Variants in ERG observed in about 807,000 individuals in gnomAD.
ERG encodes the protein ETS transcription factor ERG.
Under a neutral mutation model 55.3 loss-of-function variants are expected in ERG, and 9 were observed. That is an observed-to-expected ratio of 0.16 (90% CI 0.10 to 0.28). The LOEUF (loss-of-function observed/expected upper bound fraction) is 0.28, where lower values mean the gene tolerates loss of function less well. ERG is among the 10% of genes least tolerant of loss of function. The pLI is 1.00. For missense variants in ERG, 434 were observed against 631.6 expected (o/e 0.69, Z 3.35); for synonymous variants, 223 against 237.3 (o/e 0.94, Z 0.55).
intron 1 of ERG, among the ~76,000 whole-genome samples, chr21:38,648,816 T>G (rs148398666): frequency 6.6e-6 from 1 of 152,228 alleles, no homozygotes; most frequent in Non-Finnish European, 1.5e-5. Flanking sequence ...CCTGATTTCA[T>G]TGGACTCGCT....
At chr21:38,573,567 A>G (rs2059975062) in intron 2 of ERG, among the ~76,000 whole-genome samples, 1 of 152,226 alleles carries the variant, frequency 6.6e-6, no homozygotes, top group East Asian at 1.9e-4. Context: ...GTGCACATCC[A>G]GGCATAGTAC....
At chr21:38,626,555 A>C (rs1200153588) in intron 1 of ERG, among the ~76,000 whole-genome samples, 3 of 152,152 alleles carry the variant, frequency 2.0e-5, no homozygotes, top group Non-Finnish European at 2.9e-5. Flanking sequence ...GTGACCTTTT[A>C]AGGTCAGTTT....
At chr21:38,433,749 C>T (rs1005738825) in intron 2 of ERG, among the ~76,000 whole-genome samples, 3 of 152,126 alleles carry the variant, frequency 2.0e-5, no homozygotes, top group Non-Finnish European at 2.9e-5. Flanking sequence ...TCTGATTCAC[C>T]CTCACTTCAG....
chr21:38,571,354 A>T lies in ERG; in HGVS notation c.-41+4308T>A, dbSNP rs182925375. 4.2e-3 allele frequency among the ~76,000 whole-genome samples: 642 copies of T among 152,082 alleles called. 3 individuals carry two copies. Among genetic ancestry groups the T allele is most frequent in the Non-Finnish European group, 5.3e-3 (362 of 68,002 alleles). On this transcript the variant is annotated intron_variant, in intron 2 of 8. Transcript: ENST00000398897. ...AGTGAGACCTTGTCTCTACAAAAAA[A>T]ATAAAAATTAGCTGGGTGTAGCGGT...
rs143843173 is a variant in ERG at position 38,646,898 on chromosome 21, C to T, written c.-150+14760G>A. Among the ~76,000 whole-genome samples the T allele has an allele frequency of 2.6e-3, 396 of 152,284 alleles. 1 individual carries two copies. Among genetic ancestry groups the T allele is most frequent in the Non-Finnish European group, 4.3e-3 (292 of 68,018 alleles). On this transcript the variant is annotated intron_variant, in intron 1 of 10. Coordinates refer to the ERG transcript ENST00000398910. ...TCCCGCCACATGACCTGCACTGTTA[C>T]ATCCAAAGCGTGCAGGGAAAAGGCT...
chr21:38,516,765 G>C lies in ERG; in HGVS notation c.-41+58897C>G, dbSNP rs193204875. On this transcript the variant is annotated intron_variant, in intron 2 of 8. Coordinates refer to the ERG transcript ENST00000398897. ...AGAGCATGATACTAGTATAAAAACA[G>C]ACGCATAGACCAATGGAACAGAATT... Among the ~76,000 whole-genome samples the C allele has an allele frequency of 7.9e-5, 12 of 152,084 alleles. No individual in the cohort carries two copies. In the East Asian group the frequency reaches 2.1e-3, roughly 27 times the overall value.
intron 1 of ERG, chr21:38,451,326 C>T: frequency 2.4e-6 from 1 of 423,166 alleles, no homozygotes; most frequent in Non-Finnish European, 4.7e-6. Context: ...TACAGTTAAT[C>T]ATTTCTTTTG....
chr21:38,382,147 C>A lies in ERG; in HGVS notation c.*1256G>T. 9.5e-7 allele frequency: 1 copy of A among 1,053,614 alleles called. No homozygotes were observed. Among genetic ancestry groups the A allele is most frequent in the East Asian group, 5.4e-5 (1 of 18,588 alleles). The allele number at this position is 1,053,614 out of a possible 1,614,324, so 65.3% of individuals were successfully genotyped here. Reference sequence around the variant, plus strand: ...GTTAAAATTCAAGGCCACATTATATCGATTGTCTCTTTTGTCGTGTGTCTT... The same window carrying A: ...GTTAAAATTCAAGGCCACATTATATAGATTGTCTCTTTTGTCGTGTGTCTT... On this transcript the variant is annotated 3_prime_UTR_variant, in exon 10 of 10. Transcript: ENST00000288319.
intron 9 of ERG, among the ~76,000 whole-genome samples, chr21:38,389,452 C>T (rs1448014224): frequency 2.6e-5 from 4 of 151,934 alleles, no homozygotes; most frequent in Admixed American, 6.6e-5. Context: ...TTTCAGCTTC[C>T]GTCATTTTCT....
intron 6 of ERG, among the ~76,000 whole-genome samples, chr21:38,394,013 G>C (rs1483103085): frequency 6.6e-6 from 1 of 152,072 alleles, no homozygotes; most frequent in African/African-American, 2.4e-5. Flanking sequence ...AAGTCTCTGG[G>C]AACACTCTGC....
At chr21:38,516,502 A>G (rs540991804) in intron 2 of ERG, among the ~76,000 whole-genome samples, 8 of 152,216 alleles carry the variant, frequency 5.3e-5, no homozygotes, top group Admixed American at 5.2e-4. Context: ...ATGGTCATGG[A>G]TCAGAAGAAC....
intron 1 of ERG, among the ~76,000 whole-genome samples, chr21:38,619,979 C>T (rs984295667): frequency 6.6e-6 from 1 of 152,206 alleles, no homozygotes; most frequent in Non-Finnish European, 1.5e-5. Flanking sequence ...ATTATTCAGA[C>T]TCGAAATGCT....
At chr21:38,444,484 T>G (rs1423414895) in intron 2 of ERG, among the ~76,000 whole-genome samples, 2 of 152,214 alleles carry the variant, frequency 1.3e-5, no homozygotes, top group Non-Finnish European at 2.9e-5. Context: ...TTCGAAGAAA[T>G]AATCTGTTCT....
chr21:38,500,420 T>G (rs1207686757), upstream of ERG, among the ~76,000 whole-genome samples: 1 of 152,238 alleles, frequency 6.6e-6, no homozygotes, highest in Non-Finnish European at 1.5e-5. Context: ...CCCTGGTTCT[T>G]GCCTAATGCA....
intron 3 of ERG, among the ~76,000 whole-genome samples, chr21:38,417,257 A>T (rs1171859145): frequency 6.6e-6 from 1 of 152,236 alleles, no homozygotes; most frequent in East Asian, 1.9e-4. Context: ...GGGCAAGAAA[A>T]GGTGATTTTA....
chr21:38,657,836 A>G (rs2060528451), intron 1 of ERG, among the ~76,000 whole-genome samples: 2 of 152,182 alleles, frequency 1.3e-5, no homozygotes, highest in Admixed American at 1.3e-4. Context: ...TGCAAGGAAC[A>G]GCAACAATAT....
At chr21:38,645,099 C>T (rs2060447935) in intron 1 of ERG, among the ~76,000 whole-genome samples, 1 of 152,116 alleles carries the variant, frequency 6.6e-6, no homozygotes, top group South Asian at 2.1e-4. Flanking sequence ...ATGGAGGCTG[C>T]AGTGAGCTGT....
chr21:38,381,017 G>A lies in ERG; in HGVS notation c.*2386C>T, dbSNP rs1042789836. On this transcript the variant is annotated 3_prime_UTR_variant, in exon 10 of 10. Coordinates refer to ENST00000288319, the MANE Select transcript of ERG (RefSeq NM_182918.4). ...ATTGTATTTATTTATTTTCCCTAAGGAGATACGGGCACTTTGTGGGCCTTC... is the reference window on the plus strand; with the variant it reads ...ATTGTATTTATTTATTTTCCCTAAGAAGATACGGGCACTTTGTGGGCCTTC... The A allele has an allele frequency of 9.4e-7, 1 of 1,064,468 alleles. No individual in the cohort carries two copies. Among genetic ancestry groups the A allele is most frequent in the East Asian group, 5.0e-5 (1 of 19,972 alleles). The allele number at this position is 1,064,468 out of a possible 1,614,324, so 65.9% of individuals were successfully genotyped here. A position where few individuals can be genotyped will look rare whatever the true frequency, so the allele number is the denominator to read the frequency against.
intron 2 of ERG, among the ~76,000 whole-genome samples, chr21:38,442,341 G>C (rs893930266): frequency 6.6e-6 from 1 of 152,192 alleles, no homozygotes; most frequent in African/African-American, 2.4e-5. Flanking sequence ...GTTGCAGTAA[G>C]CTGAGATCGT....
Sources: gnomAD v4.1 joint callset for allele counts (sites outside exome capture counted in the v4.1 genomes callset) on GRCh38, gnomAD v4.1.1 for gene constraint, MANE v1.5 for transcripts, NCBI Gene and HGNC (gene_info 2026-07-23, HGNC 2026-07-21) for gene names.